The following NTN4 variants were observed in gnomAD, a reference collection of about 807,000 sequenced individuals.
NTN4 encodes the protein netrin-4.
Under a neutral mutation model 73.6 loss-of-function variants are expected in NTN4, and 32 were observed. The observed-to-expected ratio is 0.44, with a 90% CI of 0.33 to 0.58. The LOEUF is 0.58. Among genes scored for constraint, NTN4 ranks in the 20% least tolerant of loss-of-function variants. The pLI is 0.04. For missense variants in NTN4, 654 were observed against 798.3 expected (o/e 0.82, Z 2.18); for synonymous variants, 258 against 287.5 (o/e 0.90, Z 1.04).
intron 2 of NTN4, among the ~76,000 whole-genome samples, chr12:95,746,934 T>C (rs2078867336): frequency 6.6e-6 from 1 of 152,206 alleles, no homozygotes; most frequent in South Asian, 2.1e-4. Context: ...TTTTTAGTAG[T>C]TTCAGGTGGG....
chr12:95,685,928 C>T (rs2078357570), intron 5 of NTN4, among the ~76,000 whole-genome samples: 2 of 151,998 alleles, frequency 1.3e-5, no homozygotes, highest in Admixed American at 6.6e-5. Context: ...ACTCTGTCAC[C>T]CAGGCTGAAG....
intron 5 of NTN4, among the ~76,000 whole-genome samples, chr12:95,693,012 A>G (rs34735234): frequency 0.17 from 26,619 of 152,122 alleles, 2,615 homozygotes; most frequent in Non-Finnish European, 0.21. Context: ...TAAAAAAAAA[A>G]AGGATATTAT....
chr12:95,736,923 T>C (rs1260684344), intron 3 of NTN4, among the ~76,000 whole-genome samples: 5 of 152,216 alleles, frequency 3.3e-5, no homozygotes, highest in Non-Finnish European at 1.5e-5. Flanking sequence ...GAAGAAAGAA[T>C]AGGGATGTCT....
chr12:95,714,228 T>C (rs761203728), intron 3 of NTN4, among the ~76,000 whole-genome samples: 5 of 152,212 alleles, frequency 3.3e-5, no homozygotes, highest in Non-Finnish European at 5.9e-5. Flanking sequence ...ATGTTTGGAA[T>C]CATCTGAACT....
At chr12:95,721,464 T>C (rs2078647261) in intron 3 of NTN4, among the ~76,000 whole-genome samples, 1 of 152,246 alleles carries the variant, frequency 6.6e-6, no homozygotes. Context: ...CTGGAGATTC[T>C]GATGCCTTCT....
intron 2 of NTN4, among the ~76,000 whole-genome samples, chr12:95,765,197 C>T (rs1049142902): frequency 6.6e-6 from 1 of 152,206 alleles, no homozygotes; most frequent in Admixed American, 6.5e-5. Flanking sequence ...ACTTGACATT[C>T]ATAACACAGT....
rs994814862 is a variant in NTN4 at position 95,789,614 on chromosome 12, C to T, written c.55+641G>A. ...CAGTTACCGAGCCAGGGAGCAGACC[C>T]GCCTCCGACCTCCCGCAGAGTCTCT... On this transcript the variant is annotated intron_variant, in intron 1 of 9. Transcript: ENST00000343702. The surrounding 1 kb of genome is among the most constrained non-coding windows in gnomAD (Gnocchi z 4.0). Among the ~76,000 whole-genome samples the T allele has an allele frequency of 3.3e-5, 5 of 152,218 alleles. No homozygotes were observed. Among genetic ancestry groups the T allele is most frequent in the Admixed American group, 1.3e-4 (2 of 15,286 alleles).
chr12:95,686,619 G>A (rs1008708148), intron 5 of NTN4, among the ~76,000 whole-genome samples: 5 of 151,960 alleles, frequency 3.3e-5, no homozygotes, highest in Admixed American at 1.3e-4. Flanking sequence ...TTAGCCGGGC[G>A]TGATGGTGCA....
intron 3 of NTN4, among the ~76,000 whole-genome samples, chr12:95,718,258 C>G (rs375348499): frequency 1.3e-4 from 20 of 152,212 alleles, no homozygotes; most frequent in African/African-American, 4.6e-4. Context: ...CTGGAAGATA[C>G]ACGGGACTTG....
At position 95,790,199 on chromosome 12, in the gene NTN4, A is replaced by C; in HGVS notation, c.55+56T>G. The C allele has an allele frequency of 6.8e-7, 1 of 1,468,692 alleles. No individual in the cohort carries two copies. The highest frequency in any genetic ancestry group is 2.8e-5 in the East Asian group (1 of 35,430). The allele number at this position is 1,468,692 out of a possible 1,614,324, so 91.0% of individuals were successfully genotyped here. ...CTCCCCTGCACCCCCGAGTCCCGAG[A>C]TGGGTTAGAGAAGCAGCGAGGGAAG... On this transcript the variant is annotated intron_variant, in intron 1 of 9. Coordinates refer to ENST00000343702, the MANE Select transcript of NTN4 (RefSeq NM_021229.4). The surrounding 1 kb of genome is among the most constrained non-coding windows in gnomAD (Gnocchi z 6.5).
chr12:95,737,416 C>G (rs949872928), intron 3 of NTN4, among the ~76,000 whole-genome samples: 6 of 152,064 alleles, frequency 3.9e-5, no homozygotes, highest in Non-Finnish European at 5.9e-5. Flanking sequence ...GGGGTCAGTC[C>G]TCTTCATGGA....
intron 2 of NTN4, among the ~76,000 whole-genome samples, chr12:95,763,722 C>A (rs949645956): frequency 2.6e-5 from 4 of 152,140 alleles, no homozygotes; most frequent in Non-Finnish European, 5.9e-5. Context: ...TTTCTTTTTC[C>A]AATTTTATTT....
At chr12:95,675,225 T>G (rs1321424092) in intron 7 of NTN4, among the ~76,000 whole-genome samples, 1 of 152,210 alleles carries the variant, frequency 6.6e-6, no homozygotes, top group Non-Finnish European at 1.5e-5. Flanking sequence ...TGATTGAACA[T>G]GAAGCCATTA....
intron 8 of NTN4, among the ~76,000 whole-genome samples, chr12:95,667,895 AC>A (rs2078194974): frequency 7.8e-6 from 1 of 128,340 alleles, no homozygotes; most frequent in Non-Finnish European, 1.7e-5. Flanking sequence ...AATAAATAAA[AC>A]AAATAAATAA....
chr12:95,756,080 G>GGTGACAGA (rs2078945272), intron 2 of NTN4, among the ~76,000 whole-genome samples: 1 of 152,190 alleles, frequency 6.6e-6, no homozygotes, highest in African/African-American at 2.4e-5. Context: ...TCAATAGGTT[G>GGTGACAGA]GTGACAGAGT....
At chr12:95,673,130 C>T in intron 7 of NTN4, 1 of 881,222 alleles carries the variant, frequency 1.1e-6, no homozygotes. Flanking sequence ...TCCCTCTGCT[C>T]ATCCCTCCTG....
Position 95,748,230 on chromosome 12 carries a change from CA to C in NTN4, c.586-10087del, listed in dbSNP as rs769213172. On this transcript the variant is annotated intron_variant, in intron 2 of 9. Coordinates refer to ENST00000343702, the MANE Select transcript of NTN4 (RefSeq NM_021229.4). ...TGGGCGACAGAGCAAGACTCTGTCT[CA>C]AAAAAAAAAAAAAAAAAGAAAAGAA... is the stretch of plus-strand genomic sequence containing the variant. Among the ~76,000 whole-genome samples, 344 of 76,540 alleles carry C rather than the reference CA, an allele frequency of 4.5e-3. 1 individual carries two copies. Among genetic ancestry groups the C allele is most frequent in the African/African-American group, 0.015 (303 of 19,902 alleles). The allele number at this position is 76,540 out of a possible 152,430, so 50.2% of individuals were successfully genotyped here. A position where few individuals can be genotyped will look rare whatever the true frequency, so the allele number is the denominator to read the frequency against.
chr12:95,679,450 C>A (rs902379654), intron 7 of NTN4, among the ~76,000 whole-genome samples: 1 of 152,166 alleles, frequency 6.6e-6, no homozygotes. Flanking sequence ...ATAACTGCTA[C>A]TCTTCCAGTC....
chr12:95,660,215 A>G (rs1325540494), intron 9 of NTN4, among the ~76,000 whole-genome samples: 1 of 152,022 alleles, frequency 6.6e-6, no homozygotes, highest in Non-Finnish European at 1.5e-5. Context: ...GGGTTTTACC[A>G]TGTTGGCCAG....
Sources: allele counts gnomAD v4.1 joint callset (sites outside exome capture counted in the v4.1 genomes callset), GRCh38; gene constraint gnomAD v4.1.1; non-coding constraint Gnocchi (gnomAD v3.1); transcripts MANE v1.5; gene names NCBI Gene and HGNC (gene_info 2026-07-23, HGNC 2026-07-21).